The following CHAF1B variants were observed in gnomAD, a reference collection of about 807,000 sequenced individuals.
CHAF1B encodes the protein chromatin assembly factor 1 subunit B, also known as CAF-1 subunit B.
In CHAF1B, 10 loss-of-function variants were observed where a neutral mutation model predicts 60.7. The observed-to-expected ratio is 0.16, with a 90% CI of 0.10 to 0.28. The LOEUF (loss-of-function observed/expected upper bound fraction) is 0.28. Ranked by LOEUF, CHAF1B falls within the 10% of genes least tolerant of loss-of-function variation. CHAF1B has a pLI of 1.00. For missense variants in CHAF1B, 558 were observed against 708.4 expected (o/e 0.79, Z 2.41); for synonymous variants, 261 against 266.1 (o/e 0.98, Z 0.19).
Position 36,411,530 on chromosome 21 carries a change from G to T in CHAF1B, c.987G>T (p.Leu329=). Residue 329 remains leucine (L), a synonymous_variant, in exon 11 of 14, where the codon CTG becomes CTT. Coordinates refer to ENST00000314103, the MANE Select transcript of CHAF1B (RefSeq NM_005441.3). ...TGGCCTCGGAGGATTCCGTGCTTCT[G>T]TATGACACCCAGCAGTCCTTCCCTT... ...FAVASEDSVL[L]YDTQQSFPFG... is the part of the protein sequence containing the mutation. 1 of 1,614,100 alleles carries T rather than the reference G, an allele frequency of 6.2e-7. No individual in the cohort carries two copies. Among genetic ancestry groups the T allele is most frequent in the South Asian group, 1.1e-5 (1 of 91,070 alleles).
At chr21:36,415,748 C>CTTTTTTTTT in intron 13 of CHAF1B, 2 of 360,324 alleles carry the variant, frequency 5.6e-6, no homozygotes, top group South Asian at 2.3e-5. Context: ...CCATGACATT[C>CTTTTTTTTT]TTTTTTTTTT....
At chr21:36,390,047 A>G (rs1423696621) in intron 3 of CHAF1B, among the ~76,000 whole-genome samples, 1 of 152,148 alleles carries the variant, frequency 6.6e-6, no homozygotes, top group African/African-American at 2.4e-5. Context: ...TAGCATGGGA[A>G]TGCAGGCTGG....
intron 3 of CHAF1B, among the ~76,000 whole-genome samples, chr21:36,391,346 T>A (rs917574985): frequency 6.6e-6 from 1 of 151,946 alleles, no homozygotes; most frequent in Non-Finnish European, 1.5e-5. Flanking sequence ...ATGCAGCTAA[T>A]TTTTTTGTAT....
chr21:36,411,720 C>A, intron 11 of CHAF1B, 116 bp downstream of exon 11: 1 of 1,216,324 alleles, frequency 8.2e-7, no homozygotes, highest in Non-Finnish European at 1.2e-6. Flanking sequence ...GACATATTCA[C>A]CAATTTTGTT....
chr21:36,413,186 C>G lies in CHAF1B; in HGVS notation c.1364C>G (p.Ala455Gly). ...VIRDPPSITP[A>G]VKSPLPGPSE... is the part of the protein sequence containing the mutation. ...AGGGACCCTCCCTCCATCACTCCTG[C>G]TGTCAAAAGCCCCTTGCCGGGGCCT... Residue 455 changes from alanine (A) to glycine (G), a missense_variant, in exon 12 of 14, where the codon GCT becomes GGT. By Grantham distance (60) the Ala-to-Gly change is moderately conservative. Transcript: ENST00000314103. 1.2e-6 allele frequency: 2 copies of G among 1,614,116 alleles called. No homozygotes were observed. The highest frequency in any genetic ancestry group is 1.7e-6 in the Non-Finnish European group (2 of 1,180,014).
chr21:36,416,254 TTA>T lies in CHAF1B; in HGVS notation c.1589-19_1589-18del, dbSNP rs1426380869. ...AGAATTCTTCATTTACTTGCCAACC[TTA>T]TGTTTGTTAATGTTGCAGAGACGCC... On this transcript the variant is annotated intron_variant, in intron 13 of 13. Transcript: ENST00000314103. The T allele has an allele frequency of 1.2e-6, 2 of 1,600,396 alleles. No homozygotes were observed. Among genetic ancestry groups the T allele is most frequent in the African/African-American group, 1.3e-5 (1 of 74,120 alleles).
chr21:36,416,232 A>T, intron 13 of CHAF1B, 43 bp from the exon 14 acceptor site: 1 of 1,547,368 alleles, frequency 6.5e-7, no homozygotes, highest in Non-Finnish European at 8.9e-7. Context: ...GACTTCCAGA[A>T]TTCTTCATTT....
Position 36,413,155 on chromosome 21 carries a change from G to A in CHAF1B, c.1333G>A (p.Val445Ile), listed in dbSNP as rs1257209048. ...PQARQAPAPT[V>I]IRDPPSITPA... is the part of the protein sequence containing the mutation. ...GGCCAGACAGGCCCCAGCCCCAACAGTCATCAGGGACCCTCCCTCCATCAC... is the reference window on the plus strand; with the variant it reads ...GGCCAGACAGGCCCCAGCCCCAACAATCATCAGGGACCCTCCCTCCATCAC... Residue 445 changes from valine (V) to isoleucine (I), a missense_variant, in exon 12 of 14, where the codon GTC (valine) becomes ATC (isoleucine). Physicochemically the swap from Val to Ile is conservative, Grantham distance 29 (BLOSUM62 3). This residue lies in a region of CHAF1B where 233 missense variants were observed against 214.9 expected (regional missense o/e 1.08). Transcript: ENST00000314103. 1 of 1,613,960 alleles carries A rather than the reference G, an allele frequency of 6.2e-7. No individual in the cohort carries two copies. Among genetic ancestry groups the A allele is most frequent in the Non-Finnish European group, 8.5e-7 (1 of 1,179,962 alleles).
At position 36,413,323 on chromosome 21, in the gene CHAF1B, C is replaced by T. The variant is rs371925911; in HGVS notation, c.1493+8C>T. On this transcript the variant is annotated splice_region_variant and intron_variant, in intron 12 of 13. Transcript: ENST00000314103. ...GAGCAAGACAACACCCCGGTAAGAA[C>T]TTGTTGGAACAAGATGTCATTGCAA... is the stretch of plus-strand genomic sequence containing the variant. 1.7e-5 allele frequency: 26 copies of T among 1,548,366 alleles called. No homozygotes were observed. In the African/African-American group the frequency reaches 3.3e-4, roughly 20 times the overall value.
At chr21:36,410,514 G>A (rs1458057039) in intron 10 of CHAF1B, among the ~76,000 whole-genome samples, 2 of 151,826 alleles carry the variant, frequency 1.3e-5, no homozygotes, top group African/African-American at 4.8e-5. Context: ...AGTCTCTATA[G>A]CTGTGTTTTG....
chr21:36,397,140 T>G (rs2086146654), intron 5 of CHAF1B, among the ~76,000 whole-genome samples: 1 of 152,156 alleles, frequency 6.6e-6, no homozygotes, highest in South Asian at 2.1e-4. Flanking sequence ...CCCTCCGCCC[T>G]GTGCTGTCAG....
rs1193084891 is a variant in CHAF1B, at chr21:36,385,443, T to G, written c.-86T>G. 6.6e-6 allele frequency: 1 copy of G among 151,726 alleles called. No individual in the cohort carries two copies. The highest frequency in any genetic ancestry group is 1.5e-5 in the Non-Finnish European group (1 of 67,894). 9.4% of individuals were successfully genotyped at this position (151,726 alleles called of 1,614,324 possible). ...GTGACGGTGCCTCTGACTGTCCGGGTCCCTCCAGGTACGGCTTCCCTGGCC... is the reference window on the plus strand; with the variant it reads ...GTGACGGTGCCTCTGACTGTCCGGGGCCCTCCAGGTACGGCTTCCCTGGCC... On this transcript the variant is annotated 5_prime_UTR_variant, in exon 1 of 14. Transcript: ENST00000314103.
At position 36,415,407 on chromosome 21, in the gene CHAF1B, TG is replaced by T; in HGVS notation, c.1588+20del. The T allele has an allele frequency of 7.1e-7, 1 of 1,400,584 alleles. No homozygotes were observed. The highest frequency in any genetic ancestry group is 1.0e-6 in the Non-Finnish European group (1 of 992,620). The allele number at this position is 1,400,584 out of a possible 1,614,324, so 86.8% of individuals were successfully genotyped here. Reference sequence around the variant, plus strand: ...TCAGTCAGGTAAGTAATATTGTTACTGGTTTAATATAATGAAAGGTAGAGTA... The same window carrying T: ...TCAGTCAGGTAAGTAATATTGTTACTGTTTAATATAATGAAAGGTAGAGTA... On this transcript the variant is annotated intron_variant, in intron 13 of 13. Transcript: ENST00000314103.
At position 36,413,232 on chromosome 21, in the gene CHAF1B, G is replaced by T. The variant is rs771368910; in HGVS notation, c.1410G>T (p.Gln470His). ...LPGPSEEKTL[Q>H]PSSQNTKAHP... ...GGCCTTCGGAGGAGAAGACCCTGCA[G>T]CCCAGTAGTCAAAACACAAAAGCCC... The change falls in exon 12 of 14, where the codon CAG becomes CAT. Residue 470 changes from glutamine (Q) to histidine (H), a missense_variant. Physicochemically the swap from Gln to His is conservative, Grantham distance 24 (BLOSUM62 0). This residue lies in a region of CHAF1B where 233 missense variants were observed against 214.9 expected (regional missense o/e 1.08). Transcript: ENST00000314103. 3.1e-6 allele frequency: 5 copies of T among 1,611,856 alleles called. No individual in the cohort carries two copies. Among genetic ancestry groups the T allele is most frequent in the Non-Finnish European group, 3.4e-6 (4 of 1,178,110 alleles).
intron 6 of CHAF1B, among the ~76,000 whole-genome samples, chr21:36,398,804 C>T (rs1398654352): frequency 1.3e-5 from 2 of 152,094 alleles, no homozygotes; most frequent in East Asian, 3.8e-4. Context: ...ATGAGGAGTG[C>T]CTCCTATATT....
intron 8 of CHAF1B, among the ~76,000 whole-genome samples, chr21:36,403,646 A>C (rs1362746555): frequency 1.3e-5 from 2 of 152,314 alleles, no homozygotes; most frequent in Admixed American, 1.3e-4. Flanking sequence ...TTGTGGAAGC[A>C]GCAGTGGTCA....
Position 36,402,727 on chromosome 21 carries a change from A to T in CHAF1B, c.664-31A>T, listed in dbSNP as rs201096817. The T allele has an allele frequency of 6.5e-5, 103 of 1,574,026 alleles. No homozygotes were observed. In the East Asian group the frequency reaches 1.4e-3, roughly 21 times the overall value. On this transcript the variant is annotated intron_variant, in intron 7 of 13. Transcript: ENST00000314103. Reference sequence around the variant, plus strand: ...TTTGTGTGTAGAAAACAAACAAAAAAAATAATAAAAATAAATTTTGTGTGC... The same window carrying T: ...TTTGTGTGTAGAAAACAAACAAAAATAATAATAAAAATAAATTTTGTGTGC...
chr21:36,399,532 T>C lies in CHAF1B; in HGVS notation c.590T>C (p.Val197Ala). 1 of 1,613,824 alleles carries C rather than the reference T, an allele frequency of 6.2e-7. No individual in the cohort carries two copies. Among genetic ancestry groups the C allele is most frequent in the South Asian group, 1.1e-5 (1 of 91,058 alleles). Reference protein sequence around the residue: ...ATLSCDRVLRVYSIQKKRVAF... With the variant: ...ATLSCDRVLRAYSIQKKRVAF... ...TGTTCTTTCTTCAGGGTGCTGCGAG[T>C]ATACAGTATACAGAAGAAGCGTGTG... The change falls in exon 7 of 14, where the codon GTA becomes GCA. Residue 197 changes from valine (V) to alanine (A), a missense_variant. By Grantham distance (64) the Val-to-Ala change is moderately conservative. This residue lies in a region of CHAF1B where 325 missense variants were observed against 493.5 expected (regional missense o/e 0.66). Transcript: ENST00000314103.
At chr21:36,408,985 G>A (rs548333983) in intron 9 of CHAF1B, among the ~76,000 whole-genome samples, 155 bp downstream of exon 9, 1 of 152,198 alleles carries the variant, frequency 6.6e-6, no homozygotes, top group South Asian at 2.1e-4. Flanking sequence ...CTCTTGAGTA[G>A]GTGGGATTAC....
Sources: allele counts gnomAD v4.1 joint callset (sites outside exome capture counted in the v4.1 genomes callset), GRCh38; gene constraint gnomAD v4.1.1; regional missense constraint gnomAD v4.1.1; transcripts MANE v1.5; gene names NCBI Gene and HGNC (gene_info 2026-07-23, HGNC 2026-07-21).